Variants in ALPK2 observed in about 807,000 individuals in gnomAD.
ALPK2 encodes alpha-protein kinase 2.
In ALPK2, 127 loss-of-function variants were observed where a neutral mutation model predicts 163.1. That is an observed-to-expected ratio of 0.78 (90% CI 0.67 to 0.90). The LOEUF (loss-of-function observed/expected upper bound fraction) is 0.90, where lower values mean the gene tolerates loss of function less well. ALPK2 is among the 40% of genes least tolerant of loss of function. ALPK2 has a pLI of 0.00. For synonymous variants in ALPK2, 953 were observed against 959.1 expected, an observed-to-expected ratio of 0.99 and a Z score of 0.12; for missense variants, 2,360 against 2,589.6, an observed-to-expected ratio of 0.91 and a Z score of 1.92.
Position 58,613,708 on chromosome 18 carries a change from A to AAAT in ALPK2, c.-20-1894_-20-1892dup, listed in dbSNP as rs147174781. 4.5e-3 allele frequency among the ~76,000 whole-genome samples: 433 copies of AAAT among 95,176 alleles called. 8 individuals are homozygous for AAAT. The highest frequency in any genetic ancestry group is 5.7e-3 in the Middle Eastern group (1 of 174). 62.4% of individuals were successfully genotyped at this position (95,176 alleles called of 152,430 possible). On this transcript the variant is annotated intron_variant, in intron 1 of 12. Transcript: ENST00000361673. ...AGCAAGACTCCATCTCAAAAAAAAA[A>AAAT]AATAATAATAATAATAATAATAATA...
chr18:58,503,858 C>G, intron 11 of ALPK2, 73 bp downstream of exon 11: 2 of 1,429,546 alleles, frequency 1.4e-6, no homozygotes, highest in Non-Finnish European at 1.9e-6. Context: ...CTCTCCCTCC[C>G]CTCCCTCTCC....
At chr18:58,508,967 T>C (rs1179067463) in intron 10 of ALPK2, among the ~76,000 whole-genome samples, 2 of 151,824 alleles carry the variant, frequency 1.3e-5, no homozygotes, top group Non-Finnish European at 2.9e-5. Context: ...ATGTGCCATG[T>C]TGGTGTGCTG....
chr18:58,610,470 T>A (rs1413568719), intron 2 of ALPK2, among the ~76,000 whole-genome samples: 2 of 152,114 alleles, frequency 1.3e-5, no homozygotes, highest in African/African-American at 4.8e-5. Context: ...GATAAATCCT[T>A]TTACCATTGG....
At chr18:58,576,458 C>A (rs1168811926) in intron 4 of ALPK2, among the ~76,000 whole-genome samples, 1 of 152,140 alleles carries the variant, frequency 6.6e-6, no homozygotes, top group Non-Finnish European at 1.5e-5. Flanking sequence ...TTTTAGGTCC[C>A]CATAAACCTC....
At chr18:58,597,714 T>C (rs1262244381) in intron 3 of ALPK2, among the ~76,000 whole-genome samples, 1 of 152,194 alleles carries the variant, frequency 6.6e-6, no homozygotes, top group African/African-American at 2.4e-5. Context: ...CACTTCCATA[T>C]TTGGAGCTGT....
chr18:58,556,129 C>A (rs11152083), intron 4 of ALPK2, among the ~76,000 whole-genome samples: 28,902 of 152,012 alleles, frequency 0.19, 3,167 homozygotes, highest in East Asian at 0.3. Flanking sequence ...GCCTTAAAAA[C>A]TGTCTTTTAA....
intron 4 of ALPK2, among the ~76,000 whole-genome samples, chr18:58,572,857 A>C (rs1344117948): frequency 6.6e-6 from 1 of 152,228 alleles, no homozygotes; most frequent in East Asian, 1.9e-4. Context: ...TAATACACAC[A>C]TACGAGTACA....
chr18:58,513,313 C>T (rs2051504239), intron 10 of ALPK2, among the ~76,000 whole-genome samples: 1 of 151,852 alleles, frequency 6.6e-6, no homozygotes, highest in African/African-American at 2.4e-5. Flanking sequence ...GATTTAGGTT[C>T]CATAAACATG....
intron 4 of ALPK2, 76 bp downstream of exon 4, chr18:58,578,738 A>ACACACGCGCGCACACGCGCG (rs138127797): frequency 2.1e-6 from 2 of 936,580 alleles, no homozygotes; most frequent in Non-Finnish European, 1.6e-6. Flanking sequence ...GAAGAGACAC[A>ACACACGCGCGCACACGCGCG]CACACACACA....
intron 4 of ALPK2, among the ~76,000 whole-genome samples, chr18:58,568,347 C>T (rs1032339491): frequency 3.9e-5 from 6 of 152,164 alleles, no homozygotes; most frequent in African/African-American, 9.7e-5. Flanking sequence ...CAAGGACTCC[C>T]GAATCCCCAA....
At chr18:58,517,528 G>A (rs2051528547) in intron 8 of ALPK2, among the ~76,000 whole-genome samples, 1 of 152,040 alleles carries the variant, frequency 6.6e-6, no homozygotes, top group Admixed American at 6.6e-5. Context: ...GTGTAGAGGA[G>A]GGAAGAAAGA....
At chr18:58,625,847 C>T (rs532209809) in intron 1 of ALPK2, among the ~76,000 whole-genome samples, 6 of 152,328 alleles carry the variant, frequency 3.9e-5, no homozygotes, top group Non-Finnish European at 5.9e-5. Flanking sequence ...CCTGTCTCTT[C>T]GAGCTGATGT....
rs746301684 is a variant in ALPK2 at position 58,535,312 on chromosome 18, G to A, written c.4875C>T (p.His1625=). 6.2e-7 allele frequency: 1 copy of A among 1,614,100 alleles called. No individual in the cohort carries two copies. The highest frequency in any genetic ancestry group is 8.5e-7 in the Non-Finnish European group (1 of 1,180,022). ...EGNVTDFLIS[H]KMEEPKIEVL... is the part of the protein sequence containing the mutation. Reference sequence around the variant, plus strand: ...CCTCTATTTTAGGTTCCTCCATTTTGTGGCTTATCAAAAAGTCTGTGACAT... The same window carrying A: ...CCTCTATTTTAGGTTCCTCCATTTTATGGCTTATCAAAAAGTCTGTGACAT... The change falls in exon 5 of 13, where the codon CAC becomes CAT. Residue 1625 remains histidine, a synonymous_variant. Transcript: ENST00000361673.
At chr18:58,549,111 C>G (rs988503373) in intron 4 of ALPK2, among the ~76,000 whole-genome samples, 8 of 152,142 alleles carry the variant, frequency 5.3e-5, no homozygotes, top group Admixed American at 1.3e-4. Flanking sequence ...TTTATGTTCT[C>G]TTTTGAGTAG....
chr18:58,490,692 G>T (rs1390251371), intron 12 of ALPK2, among the ~76,000 whole-genome samples: 2 of 152,074 alleles, frequency 1.3e-5, no homozygotes, highest in Non-Finnish European at 2.9e-5. Flanking sequence ...GAGGGCAGAG[G>T]TGCCCCACCT....
chr18:58,610,679 C>T (rs185403843), intron 2 of ALPK2, among the ~76,000 whole-genome samples: 250 of 152,310 alleles, frequency 1.6e-3, no homozygotes, highest in Admixed American at 2.2e-3. Flanking sequence ...CGGTGGCTCA[C>T]GCCTGTAATT....
intron 10 of ALPK2, among the ~76,000 whole-genome samples, chr18:58,510,947 C>T (rs578020696): frequency 2.0e-5 from 3 of 152,320 alleles, no homozygotes; most frequent in Admixed American, 1.3e-4. Flanking sequence ...TGAGAGAGGG[C>T]GTCCCTGTCT....
At chr18:58,591,926 AG>A (rs1333131142) in intron 3 of ALPK2, among the ~76,000 whole-genome samples, 1 of 152,214 alleles carries the variant, frequency 6.6e-6, no homozygotes, top group East Asian at 1.9e-4. Flanking sequence ...ACCTGCCAAG[AG>A]GTGGCTGAGC....
chr18:58,536,784 G>C lies in ALPK2; in HGVS notation c.3403C>G (p.Gln1135Glu). The change falls in exon 5 of 13, where the codon CAG becomes GAG. Residue 1135 changes from glutamine to glutamate, a missense_variant. By Grantham distance (29) the Gln-to-Glu change is conservative (BLOSUM62 2). Transcript: ENST00000361673. ...NFQERGSETK[Q>E]GVQQQSLSQQ... is the part of the protein sequence containing the mutation. ...GACAGGCTCTGCTGCTGGACCCCCT[G>C]CTTTGTTTCACTTCCTCTTTCTTGG... 2 of 1,614,150 alleles carry C rather than the reference G, an allele frequency of 1.2e-6. No homozygotes were observed. Among genetic ancestry groups the C allele is most frequent in the Non-Finnish European group, 1.7e-6 (2 of 1,180,030 alleles).
Sources: gnomAD v4.1 joint callset for allele counts (sites outside exome capture counted in the v4.1 genomes callset) on GRCh38, gnomAD v4.1.1 for gene constraint, MANE v1.5 for transcripts, NCBI Gene and HGNC (gene_info 2026-07-23, HGNC 2026-07-21) for gene names.